Variants in CEACAM6 observed in about 807,000 individuals in gnomAD.
CEACAM6 encodes the protein cell adhesion molecule CEACAM6.
A neutral mutation model predicts 32.4 loss-of-function variants in CEACAM6; 21 were observed. The ratio of observed to expected loss-of-function variants is 0.65; its 90% CI spans 0.46 to 0.93. The LOEUF (loss-of-function observed/expected upper bound fraction) is 0.93. Ranked by LOEUF, CEACAM6 falls within the 40% of genes least tolerant of loss-of-function variation. The pLI, the probability that CEACAM6 is intolerant of heterozygous loss-of-function variation, is 0.00. For missense variants in CEACAM6, 406 were observed against 432.2 expected (o/e 0.94, Z 0.54); for synonymous variants, 184 against 174.4 (o/e 1.06, Z -0.43).
chr19:41,760,355 T>G (rs2072915098), intron 2 of CEACAM6, among the ~76,000 whole-genome samples: 1 of 152,224 alleles, frequency 6.6e-6, no homozygotes, highest in Non-Finnish European at 1.5e-5. Flanking sequence ...CTCATATCTG[T>G]CAAACACACA....
intron 4 of CEACAM6, among the ~76,000 whole-genome samples, chr19:41,763,512 G>A (rs1279063904): frequency 6.6e-6 from 1 of 152,216 alleles, no homozygotes; most frequent in Non-Finnish European, 1.5e-5. Context: ...CAGGAGAGGT[G>A]CCAGAGGCTG....
At chr19:41,769,873 T>G (rs2072983182) in intron 5 of CEACAM6, among the ~76,000 whole-genome samples, 1 of 148,638 alleles carries the variant, frequency 6.7e-6, no homozygotes, top group Non-Finnish European at 1.5e-5. Context: ...TATTATATAA[T>G]AAATATAATA....
rs2072993594 is a variant in CEACAM6, at chr19:41,771,405, C to T, written c.*644C>T. 6.6e-6 allele frequency: 1 copy of T among 152,180 alleles called. No individual in the cohort carries two copies. The highest frequency in any genetic ancestry group is 1.5e-5 in the Non-Finnish European group (1 of 68,034). 9.4% of individuals were successfully genotyped at this position (152,180 alleles called of 1,614,324 possible). On this transcript the variant is annotated 3_prime_UTR_variant, in exon 6 of 6. Transcript: ENST00000199764. Reference sequence around the variant, plus strand: ...TGCCAAATAATAGAATTGCTCCCTACCAGCTGAACAGGGAGGAGTCTGTGC... The same window carrying T: ...TGCCAAATAATAGAATTGCTCCCTATCAGCTGAACAGGGAGGAGTCTGTGC...
chr19:41,764,098 T>A (rs1242925363), intron 4 of CEACAM6, among the ~76,000 whole-genome samples: 2 of 152,208 alleles, frequency 1.3e-5, no homozygotes, highest in African/African-American at 4.8e-5. Flanking sequence ...TTTTTATTTA[T>A]AAAAGAATGT....
At chr19:41,759,575 AG>A (rs1187720141) in intron 2 of CEACAM6, among the ~76,000 whole-genome samples, 1 of 152,174 alleles carries the variant, frequency 6.6e-6, no homozygotes, top group Non-Finnish European at 1.5e-5. Context: ...CTACTCAAGG[AG>A]TTGCTAATTT....
intron 4 of CEACAM6, among the ~76,000 whole-genome samples, chr19:41,765,596 C>T (rs907693976): frequency 9.9e-5 from 15 of 152,184 alleles, no homozygotes; most frequent in Non-Finnish European, 2.1e-4. Flanking sequence ...GATCTCATTC[C>T]TGAGAAGGAG....
chr19:41,764,155 T>C (rs1381725659), intron 4 of CEACAM6, among the ~76,000 whole-genome samples: 1 of 152,254 alleles, frequency 6.6e-6, no homozygotes, highest in African/African-American at 2.4e-5. Context: ...TTACTAATTA[T>C]AGGTCTATTC....
intron 5 of CEACAM6, 49 bp downstream of exon 5, chr19:41,766,348 T>C: frequency 1.0e-5 from 10 of 997,266 alleles, no homozygotes; most frequent in Non-Finnish European, 1.5e-5. Context: ...CTGACCACCA[T>C]GCTTGGGAAA....
At chr19:41,767,194 T>A (rs550364658) in intron 5 of CEACAM6, among the ~76,000 whole-genome samples, 2 of 152,254 alleles carry the variant, frequency 1.3e-5, no homozygotes, top group East Asian at 3.9e-4. Context: ...ATAGAATTCT[T>A]AGTTTCAATG....
At chr19:41,768,214 G>C (rs2072967809) in intron 5 of CEACAM6, among the ~76,000 whole-genome samples, 1 of 152,132 alleles carries the variant, frequency 6.6e-6, no homozygotes. Context: ...GTGAACAAAG[G>C]TCTCTGGTTT....
At chr19:41,770,255 CAAA>C (rs1158293587) in intron 5 of CEACAM6, among the ~76,000 whole-genome samples, 7 of 40,520 alleles carry the variant, frequency 1.7e-4, no homozygotes, top group Admixed American at 2.9e-4. Flanking sequence ...GCTAAAAATA[CAAA>C]AAAAAAAAAA....
chr19:41,761,627 C>T, intron 3 of CEACAM6, 100 bp downstream of exon 3: 10 of 1,557,832 alleles, frequency 6.4e-6, no homozygotes, highest in Non-Finnish European at 8.7e-6. Context: ...GGACTCAGAC[C>T]CTCACCCAGG....
intron 2 of CEACAM6, among the ~76,000 whole-genome samples, chr19:41,759,914 A>C (rs1555821613): frequency 6.6e-6 from 1 of 152,216 alleles, no homozygotes; most frequent in East Asian, 1.9e-4. Flanking sequence ...TGACCACTAA[A>C]GTGATGCTGA....
rs201070424 is a variant in CEACAM6 at position 41,761,353 on chromosome 19, C to T, written c.529C>T (p.Leu177=). The T allele has an allele frequency of 9.3e-6, 15 of 1,614,188 alleles. No homozygotes were observed. The East Asian group carries it at 3.3e-4, about 36-fold the overall frequency. Residue 177 remains leucine, a synonymous_variant, in exon 3 of 6, where the codon CTG becomes TTG. Transcript: ENST00000199764. Reference sequence around the variant, plus strand: ...ACCTGAGGTTCAGAACACAACCTACCTGTGGTGGGTAAATGGTCAGAGCCT... The same window carrying T: ...ACCTGAGGTTCAGAACACAACCTACTTGTGGTGGGTAAATGGTCAGAGCCT... ...CEPEVQNTTY[L]WWVNGQSLPV...
chr19:41,763,356 T>C (rs2072938113), intron 4 of CEACAM6, among the ~76,000 whole-genome samples: 1 of 151,888 alleles, frequency 6.6e-6, no homozygotes, highest in Non-Finnish European at 1.5e-5. Flanking sequence ...TCATCACCCA[T>C]CTCCAGGATG....
intron 2 of CEACAM6, among the ~76,000 whole-genome samples, chr19:41,760,415 A>G (rs1174227905): frequency 6.6e-6 from 1 of 151,990 alleles, no homozygotes; most frequent in Admixed American, 6.6e-5. Context: ...CCTTTCCACC[A>G]CTCAGCTGTG....
In CEACAM6 at chr19:41,771,508, T is replaced by G. The variant is rs782780765; in HGVS notation, c.*747T>G. The G allele has an allele frequency of 1.3e-5, 2 of 152,248 alleles. No individual in the cohort carries two copies. The highest frequency in any genetic ancestry group is 2.9e-5 in the Non-Finnish European group (2 of 68,038). 9.4% of individuals were successfully genotyped at this position (152,248 alleles called of 1,614,324 possible). A position where few individuals can be genotyped will look rare whatever the true frequency, so the allele number is the denominator to read the frequency against. On this transcript the variant is annotated 3_prime_UTR_variant, in exon 6 of 6. Transcript: ENST00000199764. ...ACTAAGTTGTAGAAATTAACAAATG[T>G]GCTGCTTGGTTAAAATGGCTACACT...
At chr19:41,759,700 G>A (rs79122621) in intron 2 of CEACAM6, among the ~76,000 whole-genome samples, 2,367 of 152,160 alleles carry the variant, frequency 0.016, 31 homozygotes, top group Non-Finnish European at 0.024. Context: ...CTTGATCTTT[G>A]ATCTTTAGGA....
chr19:41,762,814 G>A (rs2072934828), intron 4 of CEACAM6, among the ~76,000 whole-genome samples: 1 of 152,164 alleles, frequency 6.6e-6, no homozygotes, highest in African/African-American at 2.4e-5. Flanking sequence ...TGTCTGTCCT[G>A]AATCAGGCTA....
Sources: gnomAD v4.1 joint callset for allele counts (sites outside exome capture counted in the v4.1 genomes callset) on GRCh38, gnomAD v4.1.1 for gene constraint, MANE v1.5 for transcripts, NCBI Gene and HGNC (gene_info 2026-07-23, HGNC 2026-07-21) for gene names.